The following YY1AP1 variants were observed in gnomAD, a reference collection of about 807,000 sequenced individuals.
YY1AP1 encodes the protein YY1 associated protein 1.
YY1AP1 carries 43 observed loss-of-function variants against 39.9 expected under a neutral mutation model. The observed-to-expected ratio is 1.08, with a 90% CI of 0.84 to 1.39. The LOEUF (loss-of-function observed/expected upper bound fraction) is 1.39. Among genes scored for constraint, YY1AP1 ranks in the 40% most tolerant of loss-of-function variants. The pLI, the probability that YY1AP1 is intolerant of heterozygous loss-of-function variation, is 0.00. For synonymous variants in YY1AP1, 292 were observed against 331.3 expected, an observed-to-expected ratio of 0.88 and a Z score of 1.29; for missense variants, 813 against 900.7, an observed-to-expected ratio of 0.90 and a Z score of 1.25.
intron 1 of YY1AP1, 147 bp downstream of exon 1, chr1:155,688,512 C>G: frequency 6.5e-7 from 1 of 1,546,620 alleles, no homozygotes; most frequent in Middle Eastern, 1.7e-4. Flanking sequence ...ACGGGCTCGT[C>G]GCTGGCTGCT....
chr1:155,674,106 A>G (rs1322892444), intron 6 of YY1AP1, among the ~76,000 whole-genome samples: 1 of 142,502 alleles, frequency 7.0e-6, no homozygotes, highest in Admixed American at 7.2e-5. Flanking sequence ...GCTTGCAGTG[A>G]GCCGAGATCC....
intron 5 of YY1AP1, among the ~76,000 whole-genome samples, chr1:155,676,305 G>A (rs1390409456): frequency 2.0e-5 from 3 of 152,110 alleles, no homozygotes; most frequent in Admixed American, 1.3e-4. Context: ...AGATTACTGA[G>A]GACTCTTTGA....
Position 155,660,222 on chromosome 1 carries a change from T to C in YY1AP1, c.1688A>G (p.Lys563Arg). 5.6e-6 allele frequency: 9 copies of C among 1,614,128 alleles called. No homozygotes were observed. The highest frequency in any genetic ancestry group is 7.6e-6 in the Non-Finnish European group (9 of 1,180,008). Residue 563 changes from lysine to arginine, a missense_variant, in exon 11 of 11, where the codon AAG becomes AGG. Physicochemically the swap from Lys to Arg is conservative, Grantham distance 26. Transcript: ENST00000355499. ...VIFTVPATTV[K>R]IVSLGGGCNM... ...ACAGCCACCGCCAAGGCTCACAATCTTCACAGTGGTAGCAGGAACAGTGAA... is the reference window on the plus strand; with the variant it reads ...ACAGCCACCGCCAAGGCTCACAATCCTCACAGTGGTAGCAGGAACAGTGAA...
In YY1AP1 at chr1:155,688,207, G is replaced by A. The variant is rs1652844779; in HGVS notation, c.-151-6C>T. ...GCGGCCAGCGGGTAAGCCGACTGGC[G>A]GAAATGCGAGAGAGGAGAAGGGAAA... On this transcript the variant is annotated splice_region_variant and splice_polypyrimidine_tract_variant and intron_variant, in intron 1 of 10. Transcript: ENST00000355499. 6.2e-7 allele frequency: 1 copy of A among 1,613,852 alleles called. No homozygotes were observed. Among genetic ancestry groups the A allele is most frequent in the East Asian group, 2.2e-5 (1 of 44,868 alleles).
At chr1:155,686,523 C>A (rs1169299750) in intron 2 of YY1AP1, among the ~76,000 whole-genome samples, 1 of 152,158 alleles carries the variant, frequency 6.6e-6, no homozygotes, top group Non-Finnish European at 1.5e-5. Context: ...CCTCAGATTG[C>A]ATCCAGGCTA....
chr1:155,678,183 G>C (rs921521600), intron 4 of YY1AP1, among the ~76,000 whole-genome samples: 5 of 152,152 alleles, frequency 3.3e-5, no homozygotes, highest in Non-Finnish European at 7.4e-5. Context: ...GTACAGTACA[G>C]TAACACACTG....
chr1:155,670,937 T>C lies in YY1AP1; in HGVS notation c.584-473A>G, dbSNP rs12728041. On this transcript the variant is annotated intron_variant, in intron 7 of 10. Transcript: ENST00000355499. ...CCGACAGCCTCGGCCTCCTAAAGTG[T>C]TGGATTACAGGCGTAAGCCACGGCG... 2.6e-3 allele frequency: 446 copies of C among 169,220 alleles called. 3 individuals carry two copies. In the East Asian group the frequency reaches 0.027, roughly 10 times the overall value. 10.5% of individuals were successfully genotyped at this position (169,220 alleles called of 1,614,324 possible). A position where few individuals can be genotyped will look rare whatever the true frequency, so the allele number is the denominator to read the frequency against.
chr1:155,673,256 C>T (rs1050020673), intron 6 of YY1AP1, among the ~76,000 whole-genome samples: 2 of 151,860 alleles, frequency 1.3e-5, no homozygotes, highest in African/African-American at 4.8e-5. Flanking sequence ...GCTCACAATC[C>T]GCCTGCCTCG....
intron 2 of YY1AP1, among the ~76,000 whole-genome samples, chr1:155,686,256 C>T (rs538951081): frequency 6.6e-6 from 1 of 151,480 alleles, no homozygotes; most frequent in Admixed American, 6.6e-5. Flanking sequence ...AGGATAGTCT[C>T]GATCTCCTGA....
intron 2 of YY1AP1, among the ~76,000 whole-genome samples, chr1:155,683,226 T>C (rs1347260443): frequency 4.6e-5 from 7 of 152,178 alleles, no homozygotes; most frequent in African/African-American, 1.7e-4. Flanking sequence ...AGTCCTGAGA[T>C]AGAGGAGAAG....
In YY1AP1 at chr1:155,688,732, C is replaced by CCAACCGCCGCCAAAG; in HGVS notation, c.-240_-226dup. The CCAACCGCCGCCAAAG allele has an allele frequency of 1.3e-6, 2 of 1,518,330 alleles. No homozygotes were observed. Among genetic ancestry groups the CCAACCGCCGCCAAAG allele is most frequent in the Non-Finnish European group, 1.8e-6 (2 of 1,139,836 alleles). 94.1% of individuals were successfully genotyped at this position (1,518,330 alleles called of 1,614,324 possible). A position where few individuals can be genotyped will look rare whatever the true frequency, so the allele number is the denominator to read the frequency against. ...CCCTCCCTCCCCGCCCGCACGGCCA[C>CCAACCGCCGCCAAAG]CAACCGCCGCCAAAGCAGCCGCCGC... On this transcript the variant is annotated 5_prime_UTR_variant, in exon 1 of 11. Coordinates refer to ENST00000355499, the MANE Select transcript of YY1AP1 (RefSeq NM_139119.3).
At chr1:155,685,273 C>T (rs578141677) in intron 2 of YY1AP1, among the ~76,000 whole-genome samples, 3 of 152,178 alleles carry the variant, frequency 2.0e-5, no homozygotes, top group Non-Finnish European at 4.4e-5. Context: ...ATATGTTTCC[C>T]TCTTCCTTGT....
intron 2 of YY1AP1, 53 bp from the exon 3 acceptor site, chr1:155,680,509 G>A (rs1054007061): frequency 1.4e-5 from 20 of 1,464,872 alleles, no homozygotes; most frequent in Non-Finnish European, 1.7e-5. Flanking sequence ...TTACAATATG[G>A]AGGAATTCCA....
Position 155,659,902 on chromosome 1 carries a change from T to C in YY1AP1, c.2008A>G (p.Thr670Ala), listed in dbSNP as rs756569755. Residue 670 changes from threonine to alanine, a missense_variant, in exon 11 of 11, where the codon ACT becomes GCT. By Grantham distance (58) the Thr-to-Ala change is moderately conservative. Coordinates refer to ENST00000355499, the MANE Select transcript of YY1AP1 (RefSeq NM_139119.3). ...EPQELSPLSA[T>A]VFPKVEHSPG... ...CTATGTTCCACTTTGGGGAAAACAG[T>C]AGCAGAGAGAGGAGATAGTTCCTGG... 1.9e-6 allele frequency: 3 copies of C among 1,614,210 alleles called. No individual in the cohort carries two copies. The highest frequency in any genetic ancestry group is 1.7e-5 in the Admixed American group (1 of 60,030).
At chr1:155,672,394 C>T in intron 7 of YY1AP1, 166 bp downstream of exon 7, 2 of 842,120 alleles carry the variant, frequency 2.4e-6, no homozygotes, top group South Asian at 3.1e-5. Flanking sequence ...AATTCTAGAA[C>T]TTGGATAATG....
intron 9 of YY1AP1, among the ~76,000 whole-genome samples, chr1:155,663,005 C>T (rs931638248): frequency 6.0e-5 from 9 of 149,808 alleles, no homozygotes; most frequent in Admixed American, 1.3e-4. Context: ...ACTCCAACCC[C>T]GACACCCCGC....
chr1:155,668,530 G>A, intron 9 of YY1AP1, 97 bp downstream of exon 9: 1 of 1,581,584 alleles, frequency 6.3e-7, no homozygotes, highest in Non-Finnish European at 8.7e-7. Flanking sequence ...ATTAGCTTTA[G>A]ATAAAAGAAG....
rs1648091621 is a variant in YY1AP1, at chr1:155,661,412, C to T, written c.891G>A (p.Lys297=). 6.2e-7 allele frequency: 1 copy of T among 1,613,530 alleles called. No homozygotes were observed. The highest frequency in any genetic ancestry group is 1.7e-5 in the Admixed American group (1 of 59,942). ...TTCCTAGGACTGGCAGCTGTTTGGT[C>T]TTCTTATAAAACTTAACATGAAAAA... The part of the protein sequence containing the change: ...APDNIIKFYK[K]TKQLPVLGKC... The change falls in exon 10 of 11, where the codon AAG becomes AAA. Residue 297 remains lysine (K), a synonymous_variant. Transcript: ENST00000355499.
At chr1:155,682,655 C>T (rs1371476462) in intron 2 of YY1AP1, among the ~76,000 whole-genome samples, 2 of 151,966 alleles carry the variant, frequency 1.3e-5, no homozygotes, top group African/African-American at 4.8e-5. Context: ...GCCACTGCAC[C>T]CAGCCAAGTA....
Sources: allele counts gnomAD v4.1 joint callset (sites outside exome capture counted in the v4.1 genomes callset), GRCh38; gene constraint gnomAD v4.1.1; transcripts MANE v1.5; gene names NCBI Gene and HGNC (gene_info 2026-07-23, HGNC 2026-07-21).